SIN3B: variants seen among roughly 807,000 people sequenced by gnomAD.
The protein encoded by SIN3B is SIN3 transcription regulator family member B.
SIN3B carries 19 observed loss-of-function variants against 120.2 expected under a neutral mutation model. That is an observed-to-expected ratio of 0.16 (90% confidence interval 0.11 to 0.23). The LOEUF (loss-of-function observed/expected upper bound fraction) is 0.23. Among genes scored for constraint, SIN3B ranks in the 10% least tolerant of loss-of-function variants. The probability of loss-of-function intolerance (pLI) is 1.00; values close to 1 mark genes in which losing one functional copy is unlikely to be tolerated. For synonymous variants in SIN3B, 654 were observed against 653.2 expected, an observed-to-expected ratio of 1.00 and a Z score of -0.02; for missense variants, 1,073 against 1,573.0, an observed-to-expected ratio of 0.68 and a Z score of 5.38.
Position 16,843,009 on chromosome 19 carries a change from G to A in SIN3B, c.582+1041G>A, listed in dbSNP as rs150913891. 9.8e-5 allele frequency among the ~76,000 whole-genome samples: 15 copies of A among 152,370 alleles called. No homozygotes were observed. The East Asian group carries it at 2.7e-3, about 27-fold the overall frequency. On this transcript the variant is annotated intron_variant, in intron 4 of 18. Transcript: ENST00000248054. Reference sequence around the variant, plus strand: ...CAATGCAGGTGGGCTGGTGGCGAGGGACATCTGTGTCGTGAGTGGGGCTTA... The same window carrying A: ...CAATGCAGGTGGGCTGGTGGCGAGGAACATCTGTGTCGTGAGTGGGGCTTA...
In SIN3B at chr19:16,878,431, C is replaced by G. The variant is rs45555236; in HGVS notation, c.3162+41C>G. The G allele has an allele frequency of 6.8e-3, 10,744 of 1,589,792 alleles. 73 individuals carry two copies. The highest frequency in any genetic ancestry group is 0.018 in the Middle Eastern group (108 of 6,028). Reference sequence around the variant, plus strand: ...TGGGCTGCCCCGACATGCCCCTCCTCACCCCAAGTCCTGGGGCCCTGGGGG... The same window carrying G: ...TGGGCTGCCCCGACATGCCCCTCCTGACCCCAAGTCCTGGGGCCCTGGGGG... On this transcript the variant is annotated intron_variant, in intron 18 of 18. Coordinates refer to ENST00000248054, the MANE Select transcript of SIN3B (RefSeq NM_001297595.2).
intron 11 of SIN3B, 41 bp downstream of exon 11, chr19:16,865,689 CCCCTT>C: frequency 7.8e-7 from 1 of 1,286,542 alleles, no homozygotes; most frequent in Non-Finnish European, 1.1e-6. Context: ...CTTCCCCTTC[CCCCTT>C]CCCTCCCCTC....
chr19:16,836,789 C>T (rs1046098191), intron 3 of SIN3B, among the ~76,000 whole-genome samples: 10 of 152,198 alleles, frequency 6.6e-5, no homozygotes, highest in African/African-American at 1.9e-4. Flanking sequence ...AACCCCTTAA[C>T]GTGCAGCTCC....
chr19:16,844,612 C>G (rs2012670944), intron 4 of SIN3B, among the ~76,000 whole-genome samples: 1 of 152,200 alleles, frequency 6.6e-6, no homozygotes, highest in Non-Finnish European at 1.5e-5. Context: ...TGCAGAGTTG[C>G]AAAGTGTGAT....
At chr19:16,835,988 CT>C (rs535979685) in intron 3 of SIN3B, among the ~76,000 whole-genome samples, 38 of 152,250 alleles carry the variant, frequency 2.5e-4, no homozygotes, top group South Asian at 1.7e-3. Flanking sequence ...TTTGAAGTAT[CT>C]TTTTCCCCCC....
intron 6 of SIN3B, among the ~76,000 whole-genome samples, chr19:16,851,866 C>T (rs936066973): frequency 1.7e-4 from 26 of 152,368 alleles, no homozygotes; most frequent in Non-Finnish European, 2.4e-4. Flanking sequence ...TACGTTTGTT[C>T]AGGTTGGTCA....
Position 16,875,746 on chromosome 19 carries a change from CTGGTCTGGTCTGTT to C in SIN3B, c.2593-282_2593-269del, listed in dbSNP as rs1269689168. 3.1e-4 allele frequency among the ~76,000 whole-genome samples: 44 copies of C among 142,022 alleles called. 1 individual carries two copies. The highest frequency in any genetic ancestry group is 5.7e-4 in the Admixed American group (8 of 13,984). 93.2% of individuals were successfully genotyped at this position (142,022 alleles called of 152,430 possible). ...TTTGGTCTGGTCTGGTCGGTTTGGT[CTGGTCTGGTCTGTT>C]TGGTCTGGTCTGTTTGGTCTGGTCT... On this transcript the variant is annotated intron_variant, in intron 14 of 18. Transcript: ENST00000248054.
rs183196529 is a variant in SIN3B, at chr19:16,840,495, T to C, written c.382-1273T>C. Among the ~76,000 whole-genome samples, 9 of 152,362 alleles carry C rather than the reference T, an allele frequency of 5.9e-5. No individual in the cohort carries two copies. In the East Asian group the frequency reaches 1.2e-3, roughly 20 times the overall value. Reference sequence around the variant, plus strand: ...CTAACTTCTGTTGTTTCAGCCAGTCTGGGGTACCTCGTTGTGGCAGCCTGA... The same window carrying C: ...CTAACTTCTGTTGTTTCAGCCAGTCCGGGGTACCTCGTTGTGGCAGCCTGA... On this transcript the variant is annotated intron_variant, in intron 3 of 18. Transcript: ENST00000248054.
intron 8 of SIN3B, among the ~76,000 whole-genome samples, chr19:16,860,309 C>T (rs776317989): frequency 2.0e-5 from 3 of 152,186 alleles, no homozygotes; most frequent in East Asian, 1.9e-4. Flanking sequence ...AGCTGGCAGC[C>T]GCGTGGCAGC....
chr19:16,837,502 G>T (rs1971362997), intron 3 of SIN3B, among the ~76,000 whole-genome samples: 1 of 151,780 alleles, frequency 6.6e-6, no homozygotes, highest in Non-Finnish European at 1.5e-5. Context: ...CCCGAGTGAT[G>T]GGGACAGAGG....
chr19:16,834,526 C>T (rs966773622), intron 3 of SIN3B, among the ~76,000 whole-genome samples: 6 of 152,110 alleles, frequency 3.9e-5, no homozygotes, highest in African/African-American at 1.2e-4. Flanking sequence ...GCAGACCCAT[C>T]GACTTGGGGA....
In SIN3B at chr19:16,862,762, A is replaced by G. The variant is rs1971706288; in HGVS notation, c.1266+203A>G. 9.6e-7 allele frequency: 1 copy of G among 1,046,640 alleles called. No homozygotes were observed. Among genetic ancestry groups the G allele is most frequent in the African/African-American group, 1.6e-5 (1 of 64,076 alleles). The allele number at this position is 1,046,640 out of a possible 1,614,324, so 64.8% of individuals were successfully genotyped here. A position where few individuals can be genotyped will look rare whatever the true frequency, so the allele number is the denominator to read the frequency against. On this transcript the variant is annotated intron_variant, in intron 9 of 18. Coordinates refer to ENST00000248054, the MANE Select transcript of SIN3B (RefSeq NM_001297595.2). This position sits in a 1 kb window ranked among gnomAD's most constrained non-coding sequence, Gnocchi z 4.7. ...TTGTACCCTGCTGGTAGTTTTGGCA[A>G]AACACAGAGTGCCAGGGATAACGTG...
chr19:16,833,762 C>G (rs953423744), intron 3 of SIN3B, among the ~76,000 whole-genome samples: 1 of 151,034 alleles, frequency 6.6e-6, no homozygotes, highest in Non-Finnish European at 1.5e-5. Flanking sequence ...CTCGCTCTGT[C>G]ACCCAGGCTG....
At chr19:16,859,398 G>T (rs1386364506) in intron 8 of SIN3B, among the ~76,000 whole-genome samples, 2 of 152,040 alleles carry the variant, frequency 1.3e-5, no homozygotes, top group African/African-American at 4.8e-5. Context: ...TCATTTTTAA[G>T]CAACTGCACC....
rs534573587 is a variant in SIN3B, at chr19:16,877,138, C to T, written c.2860-407C>T. ...TCAGCTAGGCCAACCCCATTCATTT[C>T]CTGGGGCTACCACCACAATGACCAC... On this transcript the variant is annotated intron_variant, in intron 16 of 18. Coordinates refer to ENST00000248054, the MANE Select transcript of SIN3B (RefSeq NM_001297595.2). 6.0e-5 allele frequency: 14 copies of T among 233,632 alleles called. No individual in the cohort carries two copies. The East Asian group carries it at 6.9e-4, about 12-fold the overall frequency. 14.5% of individuals were successfully genotyped at this position (233,632 alleles called of 1,614,324 possible). A position where few individuals can be genotyped will look rare whatever the true frequency, so the allele number is the denominator to read the frequency against.
At chr19:16,837,975 A>T (rs907678510) in intron 3 of SIN3B, among the ~76,000 whole-genome samples, 6 of 152,060 alleles carry the variant, frequency 3.9e-5, no homozygotes, top group African/African-American at 7.2e-5. Context: ...CGTGTCGGCC[A>T]CGCAGGATGG....
Position 16,862,949 on chromosome 19 carries a change from T to C in SIN3B, c.1266+390T>C, listed in dbSNP as rs751044937. On this transcript the variant is annotated intron_variant, in intron 9 of 18. Transcript: ENST00000248054. The surrounding 1 kb of genome is among the most constrained non-coding windows in gnomAD (Gnocchi z 4.7). Reference sequence around the variant, plus strand: ...ATTACTGCATGTCCAAGTTCAAGAATACCTGCTGGATTCCAGGATATAGTG... The same window carrying C: ...ATTACTGCATGTCCAAGTTCAAGAACACCTGCTGGATTCCAGGATATAGTG... The C allele has an allele frequency of 2.5e-6, 4 of 1,614,238 alleles. No individual in the cohort carries two copies. The highest frequency in any genetic ancestry group is 3.4e-6 in the Non-Finnish European group (4 of 1,180,000).
At chr19:16,841,662 C>G in intron 3 of SIN3B, 106 bp from the exon 4 acceptor site, 1 of 1,067,848 alleles carries the variant, frequency 9.4e-7, no homozygotes, top group Non-Finnish European at 1.4e-6. Context: ...AGCTTGGCTC[C>G]GTGCTGAGTT....
chr19:16,851,922 C>T (rs1158381142), intron 6 of SIN3B, among the ~76,000 whole-genome samples: 1 of 152,230 alleles, frequency 6.6e-6, no homozygotes, highest in Non-Finnish European at 1.5e-5. Flanking sequence ...GCTCCTGTCA[C>T]GCCTTTCACC....
Sources: allele counts gnomAD v4.1 joint callset (sites outside exome capture counted in the v4.1 genomes callset), GRCh38; gene constraint gnomAD v4.1.1; non-coding constraint Gnocchi (gnomAD v3.1); transcripts MANE v1.5; gene names NCBI Gene and HGNC (gene_info 2026-07-23, HGNC 2026-07-21).